The following LDHA variants were observed in gnomAD, a reference collection of about 807,000 sequenced individuals.
LDHA encodes lactate dehydrogenase A, also known as L-lactate dehydrogenase A chain.
Under a neutral mutation model 36.3 loss-of-function variants are expected in LDHA, and 10 were observed. The observed-to-expected ratio is 0.28, with a 90% CI of 0.17 to 0.47. The LOEUF (loss-of-function observed/expected upper bound fraction) is 0.47. LDHA is among the 20% of genes least tolerant of loss of function. The pLI, the probability that LDHA is intolerant of heterozygous loss-of-function variation, is 0.99. For missense variants in LDHA, 267 were observed against 405.8 expected, an observed-to-expected ratio of 0.66 and a Z score of 2.94; for synonymous variants, 110 against 136.7, an observed-to-expected ratio of 0.80 and a Z score of 1.36.
At chr11:18,401,955 C>CTCTTTTTTTTTTTTTTT (rs59534512) in intron 4 of LDHA, among the ~76,000 whole-genome samples, 33 of 52,264 alleles carry the variant, frequency 6.3e-4, no homozygotes, top group Non-Finnish European at 1.1e-3. Flanking sequence ...TTGTTATTCT[C>CTCTTTTTTTTTTTTTTT]TTTTTTTTTT....
intron 6 of LDHA, among the ~76,000 whole-genome samples, chr11:18,405,119 T>G (rs1009821841): frequency 6.6e-6 from 1 of 152,216 alleles, no homozygotes; most frequent in African/African-American, 2.4e-5. Context: ...ATATTATATT[T>G]TTAAGAATTA....
intron 6 of LDHA, 111 bp downstream of exon 6, chr11:18,403,922 G>A (rs1866584296): frequency 1.3e-6 from 1 of 753,450 alleles, no homozygotes; most frequent in Non-Finnish European, 2.3e-6. Flanking sequence ...TAGAAAACTT[G>A]TGTGGTTTTT....
Position 18,400,823 on chromosome 11 carries a change from C to T in LDHA, c.245-14C>T. 6.2e-7 allele frequency: 1 copy of T among 1,610,106 alleles called. No individual in the cohort carries two copies. The highest frequency in any genetic ancestry group is 8.5e-7 in the Non-Finnish European group (1 of 1,176,672). On this transcript the variant is annotated splice_polypyrimidine_tract_variant and intron_variant, in intron 3 of 7. Coordinates refer to ENST00000422447, the MANE Select transcript of LDHA (RefSeq NM_005566.4). ...TAAAGGCCTTAATCTGGTCATTATT[C>T]CCCTTTTCTCTAGACTATAATGTAA...
intron 1 of LDHA, chr11:18,396,530 T>G: frequency 7.5e-7 from 1 of 1,327,842 alleles, no homozygotes; most frequent in South Asian, 2.2e-5. Context: ...CAGCCCCACT[T>G]GGGGTTAATA....
At chr11:18,400,380 T>C in intron 3 of LDHA, 1 of 258,194 alleles carries the variant, frequency 3.9e-6, no homozygotes, top group South Asian at 4.1e-5. Context: ...ATATGTTTGT[T>C]AAGTGTAAAG....
intron 1 of LDHA, chr11:18,394,843 T>A (rs1318879117): frequency 2.8e-6 from 1 of 355,044 alleles, no homozygotes; most frequent in Non-Finnish European, 5.6e-6. Flanking sequence ...GCTTTTGCTC[T>A]AAGCGGGAAC....
chr11:18,396,631 C>T, intron 1 of LDHA, 188 bp from the exon 2 acceptor site: 1 of 1,414,256 alleles, frequency 7.1e-7, no homozygotes, highest in East Asian at 2.6e-5. Context: ...TCACTCTTCA[C>T]AGACCCTGTC....
chr11:18,406,414 TAAAAAA>T (rs532942664), intron 7 of LDHA, among the ~76,000 whole-genome samples: 6 of 97,176 alleles, frequency 6.2e-5, no homozygotes, highest in Non-Finnish European at 3.9e-5. Context: ...TTGCCTCTGT[TAAAAAA>T]AAAAAAAAAA....
At position 18,405,468 on chromosome 11, in the gene LDHA, C is replaced by T. The variant is rs1304107826; in HGVS notation, c.730C>T (p.Leu244Phe). 1 of 1,613,350 alleles carries T rather than the reference C, an allele frequency of 6.2e-7. No homozygotes were observed. The highest frequency in any genetic ancestry group is 1.8e-4 in the Middle Eastern group (1 of 5,694). The change falls in exon 7 of 8, where the codon CTC (leucine) becomes TTC (phenylalanine). Residue 244 changes from leucine (L) to phenylalanine (F), a missense_variant. Leu to Phe is a conservative substitution (Grantham distance 22, BLOSUM62 0). Transcript: ENST00000422447. The part of the protein sequence containing the change: ...VVESAYEVIK[L>F]KGYTSWAIGL... Reference sequence around the variant, plus strand: ...ATACAGTGCTTATGAGGTGATCAAACTCAAAGGCTACACATCCTGGGCTAT... The same window carrying T: ...ATACAGTGCTTATGAGGTGATCAAATTCAAAGGCTACACATCCTGGGCTAT...
At chr11:18,399,782 A>G (rs1301786869) in intron 3 of LDHA, 2 of 458,382 alleles carry the variant, frequency 4.4e-6, no homozygotes, top group Non-Finnish European at 8.1e-6. Flanking sequence ...TTTTGTAGAG[A>G]TGGGGACCCA....
At chr11:18,404,786 C>T (rs1023813338) in intron 6 of LDHA, among the ~76,000 whole-genome samples, 25 of 124,190 alleles carry the variant, frequency 2.0e-4, no homozygotes, top group South Asian at 2.7e-4. Flanking sequence ...CCAGCCTGGG[C>T]GACAGAGCGA....
At chr11:18,406,026 G>T (rs1216972319) in intron 7 of LDHA, among the ~76,000 whole-genome samples, 1 of 152,078 alleles carries the variant, frequency 6.6e-6, no homozygotes, top group Non-Finnish European at 1.5e-5. Context: ...CAGTGCAGTG[G>T]CCGATCTCGG....
chr11:18,396,178 G>A (rs1866290356), intron 1 of LDHA: 2 of 206,616 alleles, frequency 9.7e-6, no homozygotes, highest in Admixed American at 6.0e-5. Flanking sequence ...CCAACGGCCG[G>A]AGGCCGCTAG....
chr11:18,401,676 AT>A (rs1275067670), intron 4 of LDHA, among the ~76,000 whole-genome samples: 4 of 148,352 alleles, frequency 2.7e-5, no homozygotes, highest in Admixed American at 6.8e-5. Context: ...ACGGGGTTTC[AT>A]CAGGTTAGCC....
At chr11:18,402,117 G>A (rs903332559) in intron 4 of LDHA, among the ~76,000 whole-genome samples, 2 of 151,278 alleles carry the variant, frequency 1.3e-5, no homozygotes, top group African/African-American at 2.4e-5. Flanking sequence ...CACCATGCTC[G>A]GCTAATTTTT....
At chr11:18,399,277 T>G (rs1866399157) in intron 2 of LDHA, 154 bp from the exon 3 acceptor site, 1 of 646,924 alleles carries the variant, frequency 1.5e-6, no homozygotes, top group Non-Finnish European at 2.8e-6. Flanking sequence ...TAAGTCAGCT[T>G]TTGAAATGGG....
chr11:18,403,792 C>G lies in LDHA; in HGVS notation c.691C>G (p.His231Asp). ...AGATAAGGAACAGTGGAAAGAGGTT[C>G]ACAAGCAGGTGGTTGAGAGGTAATA... ...DKDKEQWKEV[H>D]KQVVESAYEV... The change falls in exon 6 of 8, where the codon CAC becomes GAC. Residue 231 changes from histidine (H) to aspartate (D), a missense_variant. Physicochemically the swap from His to Asp is moderately conservative, Grantham distance 81 (BLOSUM62 -1). Coordinates refer to ENST00000422447, the MANE Select transcript of LDHA (RefSeq NM_005566.4). 4 of 1,592,186 alleles carry G rather than the reference C, an allele frequency of 2.5e-6. No homozygotes were observed. The highest frequency in any genetic ancestry group is 3.4e-6 in the Non-Finnish European group (4 of 1,160,162).
At chr11:18,400,721 T>C (rs577120545) in intron 3 of LDHA, 116 bp from the exon 4 acceptor site, 4 of 754,878 alleles carry the variant, frequency 5.3e-6, no homozygotes, top group African/African-American at 3.4e-5. Flanking sequence ...GAAGCCATAA[T>C]GATAAAACTC....
At position 18,408,424 on chromosome 11, in the gene LDHA, T is replaced by C. The variant is rs1866782667; in HGVS notation, c.*1143T>C. 1 of 325,668 alleles carries C rather than the reference T, an allele frequency of 3.1e-6. No individual in the cohort carries two copies. The allele number at this position is 325,668 out of a possible 1,614,324, so 20.2% of individuals were successfully genotyped here. A position where few individuals can be genotyped will look rare whatever the true frequency, so the allele number is the denominator to read the frequency against. ...TTTCTGAAAATACAACTGTGACCCT[T>C]ATCCAGGCCTGAAAACCATACTTGT... On this transcript the variant is annotated 3_prime_UTR_variant, in exon 8 of 8. Coordinates refer to ENST00000422447, the MANE Select transcript of LDHA (RefSeq NM_005566.4).
Sources: allele counts gnomAD v4.1 joint callset (sites outside exome capture counted in the v4.1 genomes callset), GRCh38; gene constraint gnomAD v4.1.1; transcripts MANE v1.5; gene names NCBI Gene and HGNC (gene_info 2026-07-23, HGNC 2026-07-21).